The following ROCK1 variants were observed in gnomAD, a reference collection of about 807,000 sequenced individuals.
ROCK1 encodes the protein rho-associated protein kinase 1.
Under a neutral mutation model 196.8 loss-of-function variants are expected in ROCK1, and 36 were observed. That is an observed-to-expected ratio of 0.18 (90% CI 0.14 to 0.24). The LOEUF (loss-of-function observed/expected upper bound fraction) is 0.24, where lower values mean the gene tolerates loss of function less well. Ranked by LOEUF, ROCK1 falls within the 10% of genes least tolerant of loss-of-function variation. The probability of loss-of-function intolerance (pLI) is 1.00; values close to 1 mark genes in which losing one functional copy is unlikely to be tolerated. For missense variants in ROCK1, 920 were observed against 1,562.0 expected, an observed-to-expected ratio of 0.59 and a Z score of 6.93; for synonymous variants, 443 against 515.9, an observed-to-expected ratio of 0.86 and a Z score of 1.91.
intron 13 of ROCK1, 126 bp downstream of exon 13, chr18:21,015,305 T>C: frequency 1.4e-6 from 1 of 704,414 alleles, no homozygotes; most frequent in East Asian, 2.8e-5. Context: ...GAGGCTTTCA[T>C]CACAATTCTC....
intron 13 of ROCK1, 115 bp downstream of exon 13, chr18:21,015,316 T>A (rs542727691): frequency 1.4e-5 from 10 of 729,776 alleles, no homozygotes; most frequent in African/African-American, 7.1e-5. Flanking sequence ...CACAATTCTC[T>A]GCTCTGTTTT....
rs1456276682 is a variant in ROCK1, at chr18:21,042,545, A to G, written c.820+20T>C. 1 of 1,612,030 alleles carries G rather than the reference A, an allele frequency of 6.2e-7. No individual in the cohort carries two copies. Among genetic ancestry groups the G allele is most frequent in the East Asian group, 2.2e-5 (1 of 44,816 alleles). ...AGATGAACAACTGTAATAGAGAGACATAAAATCTTCCTTACTCACCTACAA... is the reference window on the plus strand; with the variant it reads ...AGATGAACAACTGTAATAGAGAGACGTAAAATCTTCCTTACTCACCTACAA... On this transcript the variant is annotated intron_variant, in intron 7 of 32. Transcript: ENST00000399799.
intron 12 of ROCK1, among the ~76,000 whole-genome samples, chr18:21,016,290 T>C (rs1347088019): frequency 6.6e-6 from 1 of 152,224 alleles, no homozygotes; most frequent in African/African-American, 2.4e-5. Flanking sequence ...TCACCTTTTG[T>C]CATCCACGTT....
At chr18:21,095,183 T>TC (rs2143591821) in intron 1 of ROCK1, among the ~76,000 whole-genome samples, 1 of 149,942 alleles carries the variant, frequency 6.7e-6, no homozygotes, top group South Asian at 2.1e-4. Context: ...TAAAGTAGCT[T>TC]TTTTTTTTAA....
At chr18:21,055,796 G>C (rs1364763835) in intron 2 of ROCK1, among the ~76,000 whole-genome samples, 2 of 152,174 alleles carry the variant, frequency 1.3e-5, no homozygotes, top group African/African-American at 4.8e-5. Flanking sequence ...TTTCTCAAAA[G>C]TTGTCTATAA....
chr18:21,042,263 C>A, intron 7 of ROCK1, 28 bp from the exon 8 acceptor site: 3 of 1,532,084 alleles, frequency 2.0e-6, no homozygotes, highest in East Asian at 2.3e-5. Context: ...AAAACAAAAG[C>A]AAAATGAAAT....
intron 27 of ROCK1, among the ~76,000 whole-genome samples, chr18:20,963,868 T>C (rs1266619513): frequency 6.6e-6 from 1 of 152,070 alleles, no homozygotes; most frequent in Admixed American, 6.6e-5. Flanking sequence ...CATAAAAGAA[T>C]TAAGAGAATG....
intron 27 of ROCK1, among the ~76,000 whole-genome samples, chr18:20,963,090 T>TGAGAGACTTA (rs1162587648): frequency 6.6e-6 from 1 of 152,092 alleles, no homozygotes; most frequent in African/African-American, 2.4e-5. Context: ...AAACTCCCAC[T>TGAGAGACTTA]GAGAGAACCT....
intron 1 of ROCK1, among the ~76,000 whole-genome samples, chr18:21,102,885 C>G (rs1353513533): frequency 6.6e-6 from 1 of 151,584 alleles, no homozygotes; most frequent in Non-Finnish European, 1.5e-5. Flanking sequence ...AAAAGTAGTT[C>G]AAGACAACAA....
intron 10 of ROCK1, among the ~76,000 whole-genome samples, chr18:21,025,018 T>C (rs1020319643): frequency 1.3e-5 from 2 of 152,254 alleles, no homozygotes; most frequent in African/African-American, 4.8e-5. Flanking sequence ...AGATATTTTC[T>C]AAACTTAACA....
intron 1 of ROCK1, among the ~76,000 whole-genome samples, chr18:21,095,112 C>T (rs1238013478): frequency 3.3e-5 from 5 of 149,400 alleles, no homozygotes. Context: ...AGGTACTCAG[C>T]ACCACTGATC....
rs1257169675 is a variant in ROCK1 at position 20,996,343 on chromosome 18, G to A, written c.1886-3406C>T. Among the ~76,000 whole-genome samples the A allele has an allele frequency of 3.3e-5, 5 of 152,140 alleles. No homozygotes were observed. In the East Asian group the frequency reaches 9.6e-4, roughly 29 times the overall value. On this transcript the variant is annotated intron_variant, in intron 16 of 32. Coordinates refer to ENST00000399799, the MANE Select transcript of ROCK1 (RefSeq NM_005406.3). ...AGCAAAAGAAAGTATTAGTGAGCTT[G>A]AAGACAGACTATTTGAAAATACAGT...
chr18:20,964,408 A>G (rs1044438327), intron 27 of ROCK1, among the ~76,000 whole-genome samples: 1 of 152,180 alleles, frequency 6.6e-6, no homozygotes, highest in African/African-American at 2.4e-5. Flanking sequence ...GCCAGGGACC[A>G]TTTTTGAGCA....
intron 1 of ROCK1, among the ~76,000 whole-genome samples, chr18:21,104,504 G>A (rs2036686642): frequency 6.6e-6 from 1 of 152,328 alleles, no homozygotes; most frequent in Middle Eastern, 3.4e-3. Context: ...GGCTGAGGCA[G>A]GAGAATGGCG....
intron 17 of ROCK1, among the ~76,000 whole-genome samples, chr18:20,991,651 A>G (rs1233270688): frequency 1.3e-5 from 2 of 151,266 alleles, no homozygotes; most frequent in Non-Finnish European, 3.0e-5. Flanking sequence ...TTTTTTTTTA[A>G]AGAGATGAGG....
chr18:21,012,070 C>T (rs1002402313), intron 13 of ROCK1, among the ~76,000 whole-genome samples: 3 of 152,144 alleles, frequency 2.0e-5, no homozygotes, highest in African/African-American at 7.2e-5. Flanking sequence ...GCCTCAGCCT[C>T]CTGAGTAGCT....
chr18:21,053,098 C>A (rs2036217606), intron 2 of ROCK1, among the ~76,000 whole-genome samples: 1 of 152,122 alleles, frequency 6.6e-6, no homozygotes, highest in Admixed American at 6.5e-5. Flanking sequence ...ACTATTGATG[C>A]CACTCCCAAT....
At chr18:21,005,182 A>T (rs1182553599) in intron 16 of ROCK1, among the ~76,000 whole-genome samples, 3 of 152,242 alleles carry the variant, frequency 2.0e-5, no homozygotes, top group African/African-American at 7.2e-5. Flanking sequence ...AATCTTTTTG[A>T]AAACAAACTG....
At chr18:21,091,599 T>C (rs1172253406) in intron 1 of ROCK1, among the ~76,000 whole-genome samples, 1 of 151,860 alleles carries the variant, frequency 6.6e-6, no homozygotes, top group Non-Finnish European at 1.5e-5. Flanking sequence ...CGAGATTCCA[T>C]CTCAAAAATT....
Sources: allele counts gnomAD v4.1 joint callset (sites outside exome capture counted in the v4.1 genomes callset), GRCh38; gene constraint gnomAD v4.1.1; transcripts MANE v1.5; gene names NCBI Gene and HGNC (gene_info 2026-07-23, HGNC 2026-07-21).